ABCA10: variants seen among roughly 807,000 people sequenced by gnomAD.
ABCA10 encodes ATP binding cassette subfamily A member 10.
ABCA10 carries 169 observed loss-of-function variants against 187.5 expected under a neutral mutation model. The ratio of observed to expected loss-of-function variants is 0.90; its 90% CI spans 0.80 to 1.02. The LOEUF (loss-of-function observed/expected upper bound fraction) is 1.02, where lower values mean the gene tolerates loss of function less well. Among genes scored for constraint, ABCA10 ranks in the 50% least tolerant of loss-of-function variants. The pLI, the probability that ABCA10 is intolerant of heterozygous loss-of-function variation, is 0.00. For missense variants in ABCA10, 1,727 were observed against 1,812.4 expected (o/e 0.95, Z 0.86); for synonymous variants, 574 against 601.8 (o/e 0.95, Z 0.68).
chr17:69,180,436 T>C (rs919775244), intron 22 of ABCA10, among the ~76,000 whole-genome samples: 8 of 151,972 alleles, frequency 5.3e-5, no homozygotes, highest in African/African-American at 1.7e-4. Context: ...AAAAATAAAT[T>C]AGGAGGGTCT....
intron 25 of ABCA10, among the ~76,000 whole-genome samples, chr17:69,167,963 C>A (rs2074266523): frequency 1.3e-5 from 2 of 152,140 alleles, no homozygotes; most frequent in African/African-American, 4.8e-5. Context: ...ACCTCTGACA[C>A]CCCTAAGACA....
Position 69,185,499 on chromosome 17 carries a change from G to A in ABCA10, c.2475C>T (p.Ser825=). ...LEQIPKTPLT[S]LLIVNNTGSN... is the part of the protein sequence containing the mutation. ...CACCTGTATTATTAACGATTAACAG[G>A]CTGGTAAGAGGCGTCTTCGGGATTT... The change falls in exon 20 of 39, where the codon AGC becomes AGT. Residue 825 remains serine (S), a synonymous_variant. Coordinates refer to ENST00000690296, the MANE Select transcript of ABCA10 (RefSeq NM_001377321.1). The A allele has an allele frequency of 6.2e-7, 1 of 1,612,940 alleles. No homozygotes were observed. The highest frequency in any genetic ancestry group is 8.5e-7 in the Non-Finnish European group (1 of 1,179,436).
Position 69,201,509 on chromosome 17 carries a change from T to C in ABCA10, c.1166A>G (p.Glu389Gly). 6.3e-7 allele frequency: 1 copy of C among 1,586,662 alleles called. No homozygotes were observed. Among genetic ancestry groups the C allele is most frequent in the East Asian group, 2.3e-5 (1 of 44,270 alleles). The part of the protein sequence containing the change: ...EPVSPEFHGK[E>G]AIRIRNVIKE... ...GTAATTTCTTAGTTACCTTATGGCT[T>C]CTTTTCCATGGAATTCTGGAGACAC... is the stretch of plus-strand genomic sequence containing the variant. The change falls in exon 10 of 39, where the codon GAA (glutamate) becomes GGA (glycine). Residue 389 changes from glutamate to glycine, a missense_variant. Coordinates refer to ENST00000690296, the MANE Select transcript of ABCA10 (RefSeq NM_001377321.1).
Position 69,221,849 on chromosome 17 carries a change from C to T in ABCA10, c.246G>A (p.Lys82=), listed in dbSNP as rs776028682. Residue 82 remains lysine, a synonymous_variant, in exon 5 of 39, where the codon AAG becomes AAA. Coordinates refer to ENST00000690296, the MANE Select transcript of ABCA10 (RefSeq NM_001377321.1). The part of the protein sequence containing the change: ...MHGEIFCYLA[K]YWLKGFVAFQ... ...AAGCTACAAACCCTTTTAGCCAGTA[C>T]TTTGCCAAGTAACAAAAAATTTCAC... 5.3e-5 allele frequency: 86 copies of T among 1,613,084 alleles called. No homozygotes were observed. Among genetic ancestry groups the T allele is most frequent in the Non-Finnish European group, 3.6e-5 (43 of 1,179,626 alleles).
chr17:69,233,492 C>T (rs2074844962), upstream of ABCA10: 1 of 152,056 alleles, frequency 6.6e-6, no homozygotes, highest in Non-Finnish European at 1.5e-5. Flanking sequence ...GTTCATTGAT[C>T]TTCCTTAAAA....
rs1598083587 is a variant in ABCA10, at chr17:69,152,563, G to C, written c.4137-82C>G. 3.3e-6 allele frequency: 5 copies of C among 1,521,068 alleles called. No homozygotes were observed. The East Asian group carries it at 1.1e-4, about 35-fold the overall frequency. The allele number at this position is 1,521,068 out of a possible 1,614,324, so 94.2% of individuals were successfully genotyped here. On this transcript the variant is annotated intron_variant, in intron 34 of 38. Transcript: ENST00000690296. ...AATAGAAAAAAGCAGGAAATCTAAA[G>C]AGAAAATGTTATGTTAGGATGCAAG...
intron 1 of ABCA10, among the ~76,000 whole-genome samples, chr17:69,238,573 G>A (rs1057132604): frequency 4.6e-5 from 7 of 152,132 alleles, no homozygotes; most frequent in Non-Finnish European, 1.5e-5. Flanking sequence ...TGTCAGAGAG[G>A]GCATGATGAT....
rs755799243 is a variant in ABCA10 at position 69,153,387 on chromosome 17, G to A, written c.4054C>T (p.Leu1352=). The A allele has an allele frequency of 3.7e-6, 6 of 1,613,548 alleles. No homozygotes were observed. The highest frequency in any genetic ancestry group is 5.1e-6 in the Non-Finnish European group (6 of 1,179,816). ...EGIKRKLCFV[L]SILGNPSVVL... The stretch of plus-strand genomic sequence containing the variant: ...ACTGATGGGTTCCCCAGGATGCTCA[G>A]CACAAAGCACAGCTGCAATGCAAGG... Residue 1352 remains leucine (L), a synonymous_variant, in exon 34 of 39, where the codon CTG becomes TTG. Coordinates refer to ENST00000690296, the MANE Select transcript of ABCA10 (RefSeq NM_001377321.1).
chr17:69,241,053 A>G (rs1204411489), intron 1 of ABCA10, among the ~76,000 whole-genome samples: 1 of 152,212 alleles, frequency 6.6e-6, no homozygotes, highest in Non-Finnish European at 1.5e-5. Context: ...TCTAATGAGC[A>G]TCTCAAACTT....
Position 69,152,150 on chromosome 17 carries a change from C to T in ABCA10, c.4290G>A (p.Lys1430=). The stretch of plus-strand genomic sequence containing the variant: ...TTTCTAGTAAATAATCTCTACCAAA[C>T]TTGTTTTTCAGATGTTGAATGGAAC... ...CIGSIQHLKN[K]FGRDYLLEIK... The change falls in exon 36 of 39, where the codon AAG becomes AAA. Residue 1430 remains lysine (K), a synonymous_variant. Coordinates refer to ENST00000690296, the MANE Select transcript of ABCA10 (RefSeq NM_001377321.1). The T allele has an allele frequency of 6.2e-7, 1 of 1,613,276 alleles. No individual in the cohort carries two copies. Among genetic ancestry groups the T allele is most frequent in the Non-Finnish European group, 8.5e-7 (1 of 1,179,794 alleles).
intron 17 of ABCA10, among the ~76,000 whole-genome samples, chr17:69,190,887 T>A (rs2074454657): frequency 6.6e-6 from 1 of 152,046 alleles, no homozygotes; most frequent in Non-Finnish European, 1.5e-5. Context: ...AGATAAAGTC[T>A]CATTTCATCT....
At chr17:69,179,660 G>A (rs1028052729) in intron 22 of ABCA10, among the ~76,000 whole-genome samples, 2 of 152,182 alleles carry the variant, frequency 1.3e-5, no homozygotes, top group Non-Finnish European at 2.9e-5. Context: ...GACTGCAGGT[G>A]ATAAGGAGGT....
intron 16 of ABCA10, among the ~76,000 whole-genome samples, chr17:69,191,551 C>T (rs1257301678): frequency 6.6e-6 from 1 of 152,126 alleles, no homozygotes; most frequent in Non-Finnish European, 1.5e-5. Context: ...CATATCAACA[C>T]CAATTCCTTT....
At position 69,221,800 on chromosome 17, in the gene ABCA10, T is replaced by A; in HGVS notation, c.295A>T (p.Ile99Phe). Residue 99 changes from isoleucine to phenylalanine, a missense_variant, in exon 5 of 39, where the codon ATT becomes TTT. Coordinates refer to ENST00000690296, the MANE Select transcript of ABCA10 (RefSeq NM_001377321.1). ...VAFQAAINAAIIEVTTNHSVM... is the reference protein window; with the variant it reads ...VAFQAAINAAFIEVTTNHSVM... ...TGAAGTTAGGCACTTACTTCTATAA[T>A]TGCAGCATTAATTGCAGCTTGAAAA... The A allele has an allele frequency of 6.2e-7, 1 of 1,608,328 alleles. No individual in the cohort carries two copies. The highest frequency in any genetic ancestry group is 8.5e-7 in the Non-Finnish European group (1 of 1,177,960).
chr17:69,216,101 T>C (rs886983623), intron 7 of ABCA10, 101 bp from the exon 8 acceptor site: 82 of 1,549,972 alleles, frequency 5.3e-5, no homozygotes, highest in Non-Finnish European at 6.9e-5. Flanking sequence ...TCTCAAAACA[T>C]ATAGAAAATA....
In ABCA10 at chr17:69,148,509, T is replaced by C. The variant is rs2074104985; in HGVS notation, c.*318A>G. On this transcript the variant is annotated 3_prime_UTR_variant, in exon 39 of 39. Transcript: ENST00000690296. ...AAACCTCATATTTTTATTTGTAAAA[T>C]GTTCTCAGTGTTAGCTTTATTGATA... 2 of 183,198 alleles carry C rather than the reference T, an allele frequency of 1.1e-5. No homozygotes were observed. The highest frequency in any genetic ancestry group is 1.2e-4 in the Admixed American group (2 of 17,284). 11.3% of individuals were successfully genotyped at this position (183,198 alleles called of 1,614,324 possible).
At chr17:69,189,268 C>T (rs1192734327) in intron 18 of ABCA10, among the ~76,000 whole-genome samples, 1 of 152,104 alleles carries the variant, frequency 6.6e-6, no homozygotes, top group African/African-American at 2.4e-5. Flanking sequence ...ATCTGCATTT[C>T]CCTATTCATT....
intron 27 of ABCA10, 116 bp downstream of exon 27, chr17:69,163,958 A>G (rs1036657303): frequency 2.8e-5 from 20 of 705,012 alleles, no homozygotes; most frequent in Non-Finnish European, 4.1e-5. Flanking sequence ...ATTGGAATGG[A>G]AAATACAGAA....
At chr17:69,174,585 T>G in intron 24 of ABCA10, 22 bp downstream of exon 24, 1 of 1,561,774 alleles carries the variant, frequency 6.4e-7, no homozygotes, top group Non-Finnish European at 8.7e-7. Context: ...ATAATTGGCT[T>G]GTGGAAAAAA....
Sources: allele counts gnomAD v4.1 joint callset (sites outside exome capture counted in the v4.1 genomes callset), GRCh38; gene constraint gnomAD v4.1.1; transcripts MANE v1.5; gene names NCBI Gene and HGNC (gene_info 2026-07-23, HGNC 2026-07-21).